FBRSL1: variants seen among roughly 807,000 people sequenced by gnomAD.
FBRSL1 encodes the protein fibrosin-1-like protein.
Under a neutral mutation model 89.6 loss-of-function variants are expected in FBRSL1, and 51 were observed. The observed-to-expected ratio is 0.57, with a 90% CI of 0.45 to 0.72. FBRSL1 has a LOEUF of 0.72. FBRSL1 is among the 30% of genes least tolerant of loss of function. FBRSL1 has a pLI of 0.00. For missense variants in FBRSL1, 1,618 were observed against 1,451.8 expected (o/e 1.11, Z -1.86); for synonymous variants, 779 against 681.1 (o/e 1.14, Z -2.24).
chr12:132,536,816 C>T (rs1049351226), intron 4 of FBRSL1, among the ~76,000 whole-genome samples: 5 of 152,120 alleles, frequency 3.3e-5, no homozygotes, highest in African/African-American at 4.8e-5. Flanking sequence ...TGTGTACATG[C>T]GTACGTATAA....
rs2040740246 is a variant in FBRSL1 at position 132,581,447 on chromosome 12, C to T, written c.1843C>T (p.His615Tyr). ...RPLFPSTGAA[H>Y]PASNPFGPSA... ...CTGGCTGCCCCCCCCAGGTGCCGCC[C>T]ATCCTGCCTCCAACCCATTTGGACC... The change falls in exon 16 of 19, where the codon CAT becomes TAT. Residue 615 changes from histidine to tyrosine, a missense_variant. Physicochemically the swap from His to Tyr is moderately conservative, Grantham distance 83. Transcript: ENST00000680143. 2 of 1,550,898 alleles carry T rather than the reference C, an allele frequency of 1.3e-6. No homozygotes were observed. Among genetic ancestry groups the T allele is most frequent in the African/African-American group, 1.4e-5 (1 of 73,052 alleles).
chr12:132,523,658 C>T (rs980201491), intron 2 of FBRSL1, among the ~76,000 whole-genome samples: 1 of 152,234 alleles, frequency 6.6e-6, no homozygotes, highest in African/African-American at 2.4e-5. Flanking sequence ...CCTTTCCCAT[C>T]GCTGCCAGGT....
At chr12:132,532,993 G>A (rs777976266) in intron 4 of FBRSL1, among the ~76,000 whole-genome samples, 24 of 152,176 alleles carry the variant, frequency 1.6e-4, no homozygotes, top group South Asian at 2.1e-4. Context: ...CACTCATTAC[G>A]GGGCTCCTTG....
intron 3 of FBRSL1, 111 bp from the exon 4 acceptor site, chr12:132,527,834 AGCTGCAGG>A: frequency 1.2e-6 from 1 of 868,230 alleles, no homozygotes; most frequent in Non-Finnish European, 1.8e-6. Flanking sequence ...CAGGGCTGTG[AGCTGCAGG>A]GCTGCGGGGC....
chr12:132,497,881 ATG>A (rs1167407629), intron 1 of FBRSL1, among the ~76,000 whole-genome samples: 2 of 152,088 alleles, frequency 1.3e-5, no homozygotes, highest in Non-Finnish European at 2.9e-5. Flanking sequence ...GTGGCGTGCG[ATG>A]TGTGTGTTTG....
intron 2 of FBRSL1, chr12:132,511,544 A>G: frequency 4.1e-6 from 4 of 985,786 alleles, no homozygotes; most frequent in Non-Finnish European, 4.8e-6. Flanking sequence ...GACTGTCTCC[A>G]GACCTCAGGG....
At chr12:132,490,906 G>T in intron 1 of FBRSL1, 45 bp downstream of exon 1, 1 of 1,250,686 alleles carries the variant, frequency 8.0e-7, no homozygotes. Context: ...GCGAGAACGG[G>T]GCCCGGAGTT....
In FBRSL1 at chr12:132,532,994, G is replaced by A. The variant is rs2036418220; in HGVS notation, c.615+5006G>A. Among the ~76,000 whole-genome samples the A allele has an allele frequency of 2.0e-5, 3 of 152,184 alleles. No homozygotes were observed. In the South Asian group the frequency reaches 6.2e-4, roughly 32 times the overall value. The stretch of plus-strand genomic sequence containing the variant: ...AGGCAGGTTTGTGACACTCATTACG[G>A]GGCTCCTTGGGCCTCTTCTGAGCAG... On this transcript the variant is annotated intron_variant, in intron 4 of 18. Coordinates refer to ENST00000680143, the MANE Select transcript of FBRSL1 (RefSeq NM_001367871.1).
chr12:132,508,209 C>G lies in FBRSL1; in HGVS notation c.348C>G (p.Ile116Met), dbSNP rs2033916514. ...ERKEKWERRL[I>M]KKPRESETCP... is the part of the protein sequence containing the mutation. ...AGGAGAAGTGGGAGCGTCGTCTCAT[C>G]AAGAAGCCCCGGGAGTCGGAAACCT... is the stretch of plus-strand genomic sequence containing the variant. Residue 116 changes from isoleucine to methionine, a missense_variant, in exon 2 of 19, where the codon ATC (isoleucine) becomes ATG (methionine). By Grantham distance (10) the Ile-to-Met change is conservative. Transcript: ENST00000680143. The G allele has an allele frequency of 6.4e-7, 1 of 1,551,174 alleles. No homozygotes were observed. The highest frequency in any genetic ancestry group is 1.4e-5 in the African/African-American group (1 of 73,154).
intron 1 of FBRSL1, among the ~76,000 whole-genome samples, chr12:132,496,297 CT>C (rs2032021833): frequency 6.6e-6 from 1 of 152,222 alleles, no homozygotes; most frequent in Admixed American, 6.5e-5. Flanking sequence ...CATATCCCGC[CT>C]TTGTGTGATT....
intron 1 of FBRSL1, among the ~76,000 whole-genome samples, chr12:132,496,190 C>A (rs949790933): frequency 1.3e-5 from 2 of 152,262 alleles, no homozygotes; most frequent in African/African-American, 4.8e-5. Context: ...CCGCACAGTC[C>A]TGCAGCAGGG....
chr12:132,555,956 C>G (rs2038599964), intron 5 of FBRSL1, among the ~76,000 whole-genome samples: 1 of 152,142 alleles, frequency 6.6e-6, no homozygotes, highest in African/African-American at 2.4e-5. Flanking sequence ...GCGCTGCCAT[C>G]CAGGGCCTCG....
chr12:132,490,892 T>G, intron 1 of FBRSL1, 31 bp downstream of exon 1: 1 of 1,074,424 alleles, frequency 9.3e-7, no homozygotes, highest in Non-Finnish European at 1.2e-6. Context: ...TCGCAGGCGT[T>G]GAGGCGAGAA....
At position 132,583,134 on chromosome 12, in the gene FBRSL1, G is replaced by A. The variant is rs1168181711; in HGVS notation, c.2365G>A (p.Ala789Thr). Residue 789 changes from alanine (A) to threonine (T), a missense_variant, in exon 19 of 19, where the codon GCC becomes ACC. By Grantham distance (58) the Ala-to-Thr change is moderately conservative. Coordinates refer to ENST00000680143, the MANE Select transcript of FBRSL1 (RefSeq NM_001367871.1). ...TCGGGTCAAGGAGAGCCGCTCCCCGGCCAAGGAGGAGGCCGCCAAGATGCC... is the reference window on the plus strand; with the variant it reads ...TCGGGTCAAGGAGAGCCGCTCCCCGACCAAGGAGGAGGCCGCCAAGATGCC... ...EPRVKESRSP[A>T]KEEAAKMPAR... The A allele has an allele frequency of 6.8e-7, 1 of 1,463,590 alleles. No individual in the cohort carries two copies. The highest frequency in any genetic ancestry group is 9.0e-7 in the Non-Finnish European group (1 of 1,112,042). The allele number at this position is 1,463,590 out of a possible 1,614,324, so 90.7% of individuals were successfully genotyped here. A position where few individuals can be genotyped will look rare whatever the true frequency, so the allele number is the denominator to read the frequency against.
chr12:132,531,856 G>T (rs1278352913), intron 4 of FBRSL1, among the ~76,000 whole-genome samples: 2 of 152,214 alleles, frequency 1.3e-5, no homozygotes, highest in African/African-American at 2.4e-5. Context: ...TCCTTAGAGT[G>T]GTGTAATTTT....
chr12:132,581,322 G>A, intron 15 of FBRSL1, 117 bp from the exon 16 acceptor site: 1 of 1,540,004 alleles, frequency 6.5e-7, no homozygotes, highest in African/African-American at 1.4e-5. Context: ...GGGCATGCGA[G>A]AGAATGGGAG....
chr12:132,504,677 G>T (rs957399246), intron 1 of FBRSL1, among the ~76,000 whole-genome samples: 1 of 152,186 alleles, frequency 6.6e-6, no homozygotes, highest in Non-Finnish European at 1.5e-5. Flanking sequence ...GTGGCCTGAG[G>T]CGGCCCTGGC....
At chr12:132,512,036 C>G in intron 2 of FBRSL1, 2 of 984,494 alleles carry the variant, frequency 2.0e-6, no homozygotes, top group Non-Finnish European at 2.4e-6. Context: ...GGGCTTGGCT[C>G]GGGATTCATT....
At chr12:132,571,825 G>C (rs1464161793) in intron 9 of FBRSL1, 1 of 326,646 alleles carries the variant, frequency 3.1e-6, no homozygotes, top group African/African-American at 2.2e-5. Flanking sequence ...GGCCCAGACA[G>C]GCCTGAGGGC....
Sources: allele counts gnomAD v4.1 joint callset (sites outside exome capture counted in the v4.1 genomes callset), GRCh38; gene constraint gnomAD v4.1.1; transcripts MANE v1.5; gene names NCBI Gene and HGNC (gene_info 2026-07-23, HGNC 2026-07-21).